The following SNX29 variants were observed in gnomAD, a reference collection of about 807,000 sequenced individuals.
SNX29 encodes sorting nexin 29, also known as sorting nexin-29.
SNX29 carries 78 observed loss-of-function variants against 102.1 expected under a neutral mutation model. That is an observed-to-expected ratio of 0.76 (90% confidence interval 0.64 to 0.92). SNX29 has a LOEUF of 0.92. Among genes scored for constraint, SNX29 ranks in the 40% least tolerant of loss-of-function variants. The pLI is 0.00. For missense variants in SNX29, 1,280 were observed against 1,061.7 expected, an observed-to-expected ratio of 1.21 and a Z score of -2.86; for synonymous variants, 580 against 414.5, an observed-to-expected ratio of 1.40 and a Z score of -4.85.
intron 19 of SNX29, among the ~76,000 whole-genome samples, chr16:12,497,839 G>A (rs1482874469): frequency 6.6e-6 from 1 of 152,160 alleles, no homozygotes; most frequent in Non-Finnish European, 1.5e-5. Context: ...ATGCTCTGTG[G>A]CCTAGCTTGA....
chr16:12,116,443 G>A (rs373264538), intron 11 of SNX29, among the ~76,000 whole-genome samples: 18 of 152,276 alleles, frequency 1.2e-4, no homozygotes, highest in African/African-American at 4.1e-4. Context: ...AGGCCAAGGC[G>A]GGGTGGATCA....
At chr16:12,121,590 C>T (rs182082341) in intron 11 of SNX29, among the ~76,000 whole-genome samples, 2 of 152,170 alleles carry the variant, frequency 1.3e-5, no homozygotes, top group South Asian at 2.1e-4. Context: ...CAACACCTGC[C>T]GCTTTGCCAG....
intron 20 of SNX29, among the ~76,000 whole-genome samples, chr16:12,540,068 G>A (rs984931567): frequency 2.6e-5 from 4 of 152,026 alleles, no homozygotes; most frequent in Non-Finnish European, 4.4e-5. Flanking sequence ...TCATGCTTTT[G>A]GTGTCATGTC....
At chr16:12,539,235 T>C (rs900531122) in intron 20 of SNX29, among the ~76,000 whole-genome samples, 11 of 152,196 alleles carry the variant, frequency 7.2e-5, no homozygotes, top group African/African-American at 2.4e-4. Flanking sequence ...ACCAGTTCCT[T>C]CACCCTAAAA....
chr16:12,544,565 A>T (rs1368107027), intron 20 of SNX29, among the ~76,000 whole-genome samples: 2 of 152,180 alleles, frequency 1.3e-5, no homozygotes, highest in African/African-American at 4.8e-5. Flanking sequence ...ACAGTGATGG[A>T]TTCATTGTTC....
At chr16:12,563,116 C>CT (rs529761137) in intron 20 of SNX29, among the ~76,000 whole-genome samples, 67 of 152,182 alleles carry the variant, frequency 4.4e-4, no homozygotes, top group African/African-American at 1.6e-3. Context: ...ACAACAGAGC[C>CT]TAGGAAAGGT....
chr16:12,106,940 C>T (rs1019233775), intron 11 of SNX29, among the ~76,000 whole-genome samples: 1 of 151,848 alleles, frequency 6.6e-6, no homozygotes. Context: ...TTTAGCCTCC[C>T]AAGTAGCTGG....
At position 12,535,037 on chromosome 16, in the gene SNX29, A is replaced by T. The variant is rs139319428; in HGVS notation, c.2318+10196A>T. ...GAGAAGCTGGCTCGTTGGGTCTTAT[A>T]AAACCAGCTACAAAGCACTGGGACT... On this transcript the variant is annotated intron_variant, in intron 20 of 20. Transcript: ENST00000566228. 9.8e-5 allele frequency among the ~76,000 whole-genome samples: 15 copies of T among 152,312 alleles called. No individual in the cohort carries two copies. The East Asian group carries it at 2.9e-3, about 29-fold the overall frequency.
At chr16:12,537,441 G>A (rs2077126013) in intron 20 of SNX29, among the ~76,000 whole-genome samples, 1 of 152,170 alleles carries the variant, frequency 6.6e-6, no homozygotes, top group Admixed American at 6.5e-5. Context: ...TAGCAGCCTT[G>A]TGAACTTCAC....
intron 20 of SNX29, chr16:12,561,129 C>G (rs562930725): frequency 1.4e-4 from 33 of 228,576 alleles, no homozygotes; most frequent in African/African-American, 7.1e-4. Context: ...TCACGCAGTC[C>G]TGAGGCCCAG....
At chr16:12,105,211 C>G (rs28450586) in intron 11 of SNX29, among the ~76,000 whole-genome samples, 5,883 of 85,392 alleles carry the variant, frequency 0.069, 427 homozygotes, top group African/African-American at 0.19. Context: ...CTTCCTCCCT[C>G]CCTCCCTCCC....
intron 15 of SNX29, among the ~76,000 whole-genome samples, chr16:12,307,155 C>A (rs1276672083): frequency 1.3e-5 from 2 of 152,140 alleles, no homozygotes; most frequent in Non-Finnish European, 2.9e-5. Flanking sequence ...GCTCTGTCAA[C>A]TGGAATGGCT....
chr16:12,376,586 A>G (rs768333176), intron 16 of SNX29, among the ~76,000 whole-genome samples: 49 of 151,812 alleles, frequency 3.2e-4, no homozygotes, highest in Non-Finnish European at 5.0e-4. Context: ...AAATACAAAA[A>G]TTAGCTGGGC....
chr16:12,339,633 C>T (rs938299255), intron 15 of SNX29, among the ~76,000 whole-genome samples: 4 of 152,172 alleles, frequency 2.6e-5, no homozygotes, highest in African/African-American at 9.7e-5. Flanking sequence ...TGCTGTTGCT[C>T]TCTGCTTTCT....
At chr16:11,981,236 C>G (rs1417863157) in intron 1 of SNX29, among the ~76,000 whole-genome samples, 1 of 152,116 alleles carries the variant, frequency 6.6e-6, no homozygotes, top group African/African-American at 2.4e-5. Flanking sequence ...TCCCAAAGTG[C>G]TGGGATTACA....
chr16:12,153,640 ATTT>A (rs144224447), intron 13 of SNX29, among the ~76,000 whole-genome samples: 3 of 139,246 alleles, frequency 2.2e-5, no homozygotes, highest in Non-Finnish European at 1.6e-5. Context: ...CACCTGGCTA[ATTT>A]TTTTTTTTTT....
At chr16:12,028,968 G>C (rs915999009) in intron 4 of SNX29, among the ~76,000 whole-genome samples, 1 of 152,038 alleles carries the variant, frequency 6.6e-6, no homozygotes, top group Non-Finnish European at 1.5e-5. Flanking sequence ...GGCTGGTCTC[G>C]AACTCCTGAC....
At chr16:12,379,120 C>G (rs2082983944) in intron 16 of SNX29, among the ~76,000 whole-genome samples, 1 of 152,308 alleles carries the variant, frequency 6.6e-6, no homozygotes, top group Middle Eastern at 3.4e-3. Flanking sequence ...CCCTTCTTTT[C>G]TTCCTTTTCT....
intron 2 of SNX29, among the ~76,000 whole-genome samples, chr16:12,001,961 C>A (rs2056303278): frequency 6.6e-6 from 1 of 151,090 alleles, no homozygotes; most frequent in Non-Finnish European, 1.5e-5. Context: ...TCGAGATTAC[C>A]ATGAGCTATG....
Sources: gnomAD v4.1 joint callset for allele counts (sites outside exome capture counted in the v4.1 genomes callset) on GRCh38, gnomAD v4.1.1 for gene constraint, MANE v1.5 for transcripts, NCBI Gene and HGNC (gene_info 2026-07-23, HGNC 2026-07-21) for gene names.